Variants in RNPEP observed in about 807,000 individuals in gnomAD.
RNPEP encodes aminopeptidase B.
In RNPEP, 57 loss-of-function variants were observed where a neutral mutation model predicts 70.1. The observed-to-expected ratio is 0.81, with a 90% CI of 0.66 to 1.01. The LOEUF (loss-of-function observed/expected upper bound fraction) is 1.01. RNPEP is among the 50% of genes least tolerant of loss of function. RNPEP has a pLI of 0.00. For synonymous variants in RNPEP, 335 were observed against 357.4 expected (o/e 0.94, Z 0.71); for missense variants, 787 against 852.4 (o/e 0.92, Z 0.96).
chr1:201,994,833 ATTTTTTT>A (rs34077790), intron 3 of RNPEP, among the ~76,000 whole-genome samples: 2 of 85,224 alleles, frequency 2.3e-5, no homozygotes, highest in African/African-American at 9.3e-5. Flanking sequence ...TGTCCTGCTA[ATTTTTTT>A]TTTTTTTTTT....
rs1334584652 is a variant in RNPEP at position 201,983,556 on chromosome 1, G to T, written c.447+443G>T. On this transcript the variant is annotated intron_variant, in intron 1 of 10. Transcript: ENST00000295640. ...GCCACCTTATCTCTGCTTTATGGTG[G>T]CTCTAGAATTAGCCAGATGTTGATC... 6.1e-6 allele frequency: 8 copies of T among 1,309,384 alleles called. No individual in the cohort carries two copies. The East Asian group carries it at 3.8e-4, about 62-fold the overall frequency. The allele number at this position is 1,309,384 out of a possible 1,614,324, so 81.1% of individuals were successfully genotyped here.
intron 3 of RNPEP, among the ~76,000 whole-genome samples, chr1:201,995,305 G>A (rs1363905619): frequency 1.3e-5 from 2 of 152,102 alleles, no homozygotes; most frequent in Non-Finnish European, 2.9e-5. Context: ...AAATCTGTGT[G>A]CCTCTCTGAA....
intron 9 of RNPEP, 31 bp from the exon 10 acceptor site, chr1:202,004,323 C>T: frequency 6.2e-7 from 1 of 1,612,694 alleles, no homozygotes; most frequent in Non-Finnish European, 8.5e-7. Flanking sequence ...CCACCGTGAC[C>T]AGCCACAAAC....
rs758574536 is a variant in RNPEP at position 202,003,462 on chromosome 1, G to A, written c.1651+1G>A. ...CTCCAGAAATCCCCTCTCCCTCCTG[G>A]TAAGAAAAAATGGTGAACCAGGGCT... On this transcript the variant is annotated splice_donor_variant, in intron 9 of 10. Transcript: ENST00000295640. LOFTEE classifies it high-confidence loss of function. The A allele has an allele frequency of 9.3e-6, 15 of 1,606,688 alleles. No homozygotes were observed. The highest frequency in any genetic ancestry group is 1.7e-4 in the Middle Eastern group (1 of 6,028).
At chr1:201,994,990 A>G (rs909693393) in intron 3 of RNPEP, among the ~76,000 whole-genome samples, 1 of 152,004 alleles carries the variant, frequency 6.6e-6, no homozygotes, top group Non-Finnish European at 1.5e-5. Context: ...AGTCTCATTC[A>G]TATGTCTGTG....
chr1:201,994,606 G>A (rs1157178322), intron 3 of RNPEP, among the ~76,000 whole-genome samples: 1 of 151,566 alleles, frequency 6.6e-6, no homozygotes, highest in African/African-American at 2.4e-5. Flanking sequence ...CTATGCTTCA[G>A]CAAACGCAGA....
At chr1:201,993,015 C>T (rs752296283) in intron 3 of RNPEP, among the ~76,000 whole-genome samples, 23 of 152,254 alleles carry the variant, frequency 1.5e-4, no homozygotes, top group Middle Eastern at 3.4e-3. Flanking sequence ...GTTTGCTATC[C>T]AATCCCATCC....
At chr1:201,989,238 A>C in intron 2 of RNPEP, 145 bp from the exon 3 acceptor site, 1 of 1,212,058 alleles carries the variant, frequency 8.3e-7, no homozygotes, top group East Asian at 2.4e-5. Context: ...TTGAGCACAG[A>C]TTTAGTTTCT....
At chr1:202,004,106 C>T (rs1233607368) in intron 9 of RNPEP, among the ~76,000 whole-genome samples, 1 of 152,172 alleles carries the variant, frequency 6.6e-6, no homozygotes. Context: ...CAACCTCCAC[C>T]TTCTGAGTTC....
intron 3 of RNPEP, among the ~76,000 whole-genome samples, chr1:201,993,596 CA>C (rs528351091): frequency 3.1e-5 from 4 of 128,422 alleles, no homozygotes; most frequent in African/African-American, 9.0e-5. Context: ...GACTCCACCT[CA>C]AAAAAAAGCC....
rs760510077 is a variant in RNPEP, at chr1:202,004,396, A to T, written c.1694A>T (p.Asn565Ile). 6.2e-7 allele frequency: 1 copy of T among 1,614,146 alleles called. No individual in the cohort carries two copies. Among genetic ancestry groups the T allele is most frequent in the Admixed American group, 1.7e-5 (1 of 60,012 alleles). Residue 565 changes from asparagine (N) to isoleucine (I), a missense_variant, in exon 10 of 11, where the codon AAT (asparagine) becomes ATT (isoleucine). By Grantham distance (149) the Asn-to-Ile change is moderately radical. Transcript: ENST00000295640. ...KLGDTYPSIS[N>I]ARNAELRLRW... ...GGAGACACATACCCAAGTATCTCAA[A>T]TGCCCGGAATGCAGAGCTCCGGCTG...
intron 6 of RNPEP, chr1:202,000,224 C>T (rs952264893): frequency 3.7e-5 from 18 of 489,856 alleles, no homozygotes; most frequent in African/African-American, 1.9e-4. Flanking sequence ...CCAGTCTGTG[C>T]GGTTCGTGAT....
intron 3 of RNPEP, among the ~76,000 whole-genome samples, chr1:201,992,413 G>C (rs1254494693): frequency 6.6e-6 from 1 of 152,090 alleles, no homozygotes; most frequent in Non-Finnish European, 1.5e-5. Flanking sequence ...CTGGAGTCTA[G>C]AGCCTAGACA....
rs974897863 is a variant in RNPEP, at chr1:202,003,251, C to T, written c.1441C>T (p.Arg481Ter). ...CTCCCAAACAGGTTTTGAGTTTGAT[C>T]GATGGCTGAATACCCCCGGCTGGCC... Reference protein sequence around the residue: ...VDIIPGFEFDRWLNTPGWPPY... With the variant: ...VDIIPGFEFD The change falls in exon 9 of 11, where the codon CGA (arginine) becomes TGA (stop). Residue 481 changes from arginine to a stop codon, truncating the protein, a stop_gained. Transcript: ENST00000295640. LOFTEE classifies it high-confidence loss of function. 6.2e-6 allele frequency: 10 copies of T among 1,611,912 alleles called. No homozygotes were observed. In the African/African-American group the frequency reaches 6.7e-5, roughly 11 times the overall value.
At chr1:201,988,857 G>A (rs1176706890) in intron 1 of RNPEP, 47 bp from the exon 2 acceptor site, 1 of 1,568,424 alleles carries the variant, frequency 6.4e-7, no homozygotes, top group African/African-American at 1.4e-5. Flanking sequence ...GCCAGACTGA[G>A]CTCGTGTGGG....
intron 3 of RNPEP, among the ~76,000 whole-genome samples, chr1:201,990,092 G>A (rs562964585): frequency 3.9e-5 from 6 of 152,244 alleles, no homozygotes; most frequent in African/African-American, 1.2e-4. Context: ...TGATTCACCC[G>A]CCTTGGCCTC....
chr1:201,988,861 G>A (rs367864369), intron 1 of RNPEP, 43 bp from the exon 2 acceptor site: 28 of 1,576,254 alleles, frequency 1.8e-5, no homozygotes, highest in Non-Finnish European at 2.0e-5. Context: ...GACTGAGCTC[G>A]TGTGGGAGAT....
intron 1 of RNPEP, chr1:201,983,386 C>T: frequency 2.7e-6 from 4 of 1,504,748 alleles, no homozygotes; most frequent in Non-Finnish European, 3.6e-6. Context: ...CTCCCTGGCC[C>T]TGGAGGCTTG....
At chr1:201,993,330 C>T (rs1027857686) in intron 3 of RNPEP, among the ~76,000 whole-genome samples, 7 of 152,158 alleles carry the variant, frequency 4.6e-5, no homozygotes, top group African/African-American at 1.7e-4. Context: ...GGTGTGGTGG[C>T]TCACGCTTGT....
Sources: allele counts gnomAD v4.1 joint callset (sites outside exome capture counted in the v4.1 genomes callset), GRCh38; gene constraint gnomAD v4.1.1; transcripts MANE v1.5; gene names NCBI Gene and HGNC (gene_info 2026-07-23, HGNC 2026-07-21).